Variants in ARSB observed in about 807,000 individuals in gnomAD.
ARSB encodes the protein N-acetylgalactosamine-4-sulfatase.
ARSB carries 41 observed loss-of-function variants against 50.9 expected under a neutral mutation model. The ratio of observed to expected loss-of-function variants is 0.81; its 90% CI spans 0.63 to 1.04. The LOEUF (loss-of-function observed/expected upper bound fraction) is 1.04. Among genes scored for constraint, ARSB ranks in the 50% least tolerant of loss-of-function variants. The probability of loss-of-function intolerance (pLI) is 0.00; values close to 1 mark genes in which losing one functional copy is unlikely to be tolerated. For synonymous variants in ARSB, 269 were observed against 284.8 expected, an observed-to-expected ratio of 0.94 and a Z score of 0.56; for missense variants, 672 against 693.3, an observed-to-expected ratio of 0.97 and a Z score of 0.35.
intron 5 of ARSB, among the ~76,000 whole-genome samples, chr5:78,859,454 C>T (rs1446850081): frequency 1.3e-5 from 2 of 152,108 alleles, no homozygotes; most frequent in African/African-American, 4.8e-5. Flanking sequence ...ACTTCAGGGA[C>T]TAATATGCCT....
intron 5 of ARSB, among the ~76,000 whole-genome samples, chr5:78,871,446 T>C (rs1182124120): frequency 6.6e-6 from 1 of 151,190 alleles, no homozygotes; most frequent in African/African-American, 2.4e-5. Flanking sequence ...CAAAACAGCA[T>C]GGTACTGGTA....
intron 4 of ARSB, among the ~76,000 whole-genome samples, chr5:78,940,590 G>A (rs1750861985): frequency 6.6e-6 from 1 of 152,190 alleles, no homozygotes; most frequent in South Asian, 2.1e-4. Flanking sequence ...AGATCAGATA[G>A]TTAAAGATAT....
At chr5:78,800,817 T>A (rs1470224774) in intron 6 of ARSB, among the ~76,000 whole-genome samples, 1 of 152,120 alleles carries the variant, frequency 6.6e-6, no homozygotes, top group Non-Finnish European at 1.5e-5. Context: ...AGATGGAAAG[T>A]CTATTTCTGG....
chr5:78,960,751 G>C (rs1346536134), intron 3 of ARSB, among the ~76,000 whole-genome samples: 4 of 152,132 alleles, frequency 2.6e-5, no homozygotes, highest in Non-Finnish European at 5.9e-5. Flanking sequence ...TTTTAGTAGA[G>C]ATGGGGTTTA....
At chr5:78,831,835 T>C (rs2112697111) in intron 6 of ARSB, among the ~76,000 whole-genome samples, 1 of 152,202 alleles carries the variant, frequency 6.6e-6, no homozygotes, top group African/African-American at 2.4e-5. Flanking sequence ...AATATCTAAT[T>C]TCAGGCTGAA....
chr5:78,933,978 G>C (rs887276723), intron 4 of ARSB, among the ~76,000 whole-genome samples: 9 of 152,174 alleles, frequency 5.9e-5, no homozygotes, highest in African/African-American at 2.2e-4. Flanking sequence ...ACTGTTAAAG[G>C]CTCTGAAGGT....
intron 6 of ARSB, among the ~76,000 whole-genome samples, chr5:78,827,210 T>A (rs1225762227): frequency 2.0e-5 from 3 of 152,112 alleles, no homozygotes; most frequent in Non-Finnish European, 4.4e-5. Context: ...ATAAACTACT[T>A]CTCCTGCCTT....
chr5:78,983,194 T>C (rs192227588), intron 1 of ARSB, among the ~76,000 whole-genome samples: 67 of 152,252 alleles, frequency 4.4e-4, no homozygotes, highest in African/African-American at 1.5e-3. Context: ...GCTAGGACTA[T>C]AGACGCATGC....
chr5:78,983,418 G>A (rs553343128), intron 1 of ARSB, among the ~76,000 whole-genome samples: 3 of 152,184 alleles, frequency 2.0e-5, no homozygotes, highest in Non-Finnish European at 4.4e-5. Context: ...GAGGAAGTTG[G>A]AGAAATGAAT....
chr5:78,952,414 G>A (rs1337781884), intron 4 of ARSB, among the ~76,000 whole-genome samples: 2 of 152,054 alleles, frequency 1.3e-5, no homozygotes. Flanking sequence ...TCAGCTCACT[G>A]CAGCCTCAAC....
At chr5:78,947,210 T>C (rs1017958434) in intron 4 of ARSB, among the ~76,000 whole-genome samples, 4 of 152,184 alleles carry the variant, frequency 2.6e-5, no homozygotes, top group Non-Finnish European at 4.4e-5. Context: ...CTCCAGGACA[T>C]TGGACTAGGC....
chr5:78,939,681 T>C (rs1190889877), intron 4 of ARSB, among the ~76,000 whole-genome samples: 3 of 152,240 alleles, frequency 2.0e-5, no homozygotes, highest in Non-Finnish European at 2.9e-5. Flanking sequence ...CAGTCTATCA[T>C]TGGTGGACAT....
At chr5:78,940,097 T>C (rs557695186) in intron 4 of ARSB, among the ~76,000 whole-genome samples, 65 of 152,368 alleles carry the variant, frequency 4.3e-4, no homozygotes, top group Non-Finnish European at 6.6e-4. Context: ...GAAGTGTCTG[T>C]TCATATCCTT....
intron 4 of ARSB, among the ~76,000 whole-genome samples, chr5:78,915,065 T>G (rs1037344616): frequency 2.6e-5 from 4 of 152,234 alleles, no homozygotes; most frequent in African/African-American, 7.2e-5. Flanking sequence ...TCCTTGTTCC[T>G]TATGTGTGTA....
intron 4 of ARSB, among the ~76,000 whole-genome samples, chr5:78,943,344 C>T (rs140613172): frequency 0.022 from 3,309 of 152,196 alleles, 53 homozygotes; most frequent in Admixed American, 0.032. Context: ...TTATTTTGCT[C>T]GTTAGTTGAT....
At chr5:78,944,914 G>A (rs902997769) in intron 4 of ARSB, among the ~76,000 whole-genome samples, 3 of 152,148 alleles carry the variant, frequency 2.0e-5, no homozygotes, top group Admixed American at 6.5e-5. Flanking sequence ...CTTGAGCTGC[G>A]GTGGGCTCTA....
chr5:78,869,846 A>T (rs1380303106), intron 5 of ARSB, among the ~76,000 whole-genome samples: 1 of 148,936 alleles, frequency 6.7e-6, no homozygotes, highest in South Asian at 2.2e-4. Context: ...AGACACAAAA[A>T]ACCCTTCAAA....
At chr5:78,876,423 A>G (rs999516307) in intron 5 of ARSB, among the ~76,000 whole-genome samples, 5 of 152,244 alleles carry the variant, frequency 3.3e-5, no homozygotes, top group African/African-American at 1.2e-4. Flanking sequence ...AACAACCCAA[A>G]GAAAAATGGA....
intron 6 of ARSB, among the ~76,000 whole-genome samples, chr5:78,796,479 A>G (rs1297098497): frequency 6.6e-6 from 1 of 152,264 alleles, no homozygotes; most frequent in East Asian, 1.9e-4. Flanking sequence ...GTAAAGAAAG[A>G]GTGACAAATA....
Sources: gnomAD v4.1 joint callset for allele counts (sites outside exome capture counted in the v4.1 genomes callset) on GRCh38, gnomAD v4.1.1 for gene constraint, MANE v1.5 for transcripts, NCBI Gene and HGNC (gene_info 2026-07-23, HGNC 2026-07-21) for gene names.